Variants in TRPC1 observed in about 807,000 individuals in gnomAD.
TRPC1 encodes the protein short transient receptor potential channel 1.
In TRPC1, 42 loss-of-function variants were observed where a neutral mutation model predicts 88.2. That is an observed-to-expected ratio of 0.48 (90% CI 0.37 to 0.62). The LOEUF (loss-of-function observed/expected upper bound fraction) is 0.62. TRPC1 is among the 20% of genes least tolerant of loss of function. The pLI, the probability that TRPC1 is intolerant of heterozygous loss-of-function variation, is 0.00. For missense variants in TRPC1, 699 were observed against 957.3 expected (o/e 0.73, Z 3.56); for synonymous variants, 288 against 331.8 (o/e 0.87, Z 1.43).
chr3:142,761,229 T>C (rs1935173698), intron 4 of TRPC1, among the ~76,000 whole-genome samples: 1 of 152,174 alleles, frequency 6.6e-6, no homozygotes, highest in Non-Finnish European at 1.5e-5. Context: ...AGTATGTCCC[T>C]CCTATACCTG....
intron 9 of TRPC1, among the ~76,000 whole-genome samples, chr3:142,801,053 T>C (rs914450001): frequency 1.3e-5 from 2 of 150,332 alleles, no homozygotes; most frequent in Admixed American, 1.3e-4. Context: ...TATTAAAATA[T>C]GTATCTTGTC....
intron 12 of TRPC1, among the ~76,000 whole-genome samples, 163 bp from the exon 13 acceptor site, chr3:142,805,845 A>G (rs1310702912): frequency 6.6e-6 from 1 of 152,190 alleles, no homozygotes; most frequent in Non-Finnish European, 1.5e-5. Context: ...TATGCAGGCT[A>G]TATTTGTTTT....
chr3:142,754,338 T>TA (rs1468098298), intron 4 of TRPC1, among the ~76,000 whole-genome samples: 2 of 151,974 alleles, frequency 1.3e-5, no homozygotes, highest in African/African-American at 2.4e-5. Context: ...GACAAAAATT[T>TA]AAAAAAACTT....
intron 4 of TRPC1, among the ~76,000 whole-genome samples, chr3:142,775,125 T>G (rs1312695747): frequency 2.0e-5 from 3 of 152,228 alleles, no homozygotes; most frequent in Non-Finnish European, 2.9e-5. Flanking sequence ...TCAGAAATCC[T>G]TAATATACTT....
At position 142,755,258 on chromosome 3, in the gene TRPC1, A is replaced by G. The variant is rs1934916547; in HGVS notation, c.632+6798A>G. On this transcript the variant is annotated intron_variant, in intron 4 of 12. Transcript: ENST00000476941. ...GCCAACATGGTGAAAACCCATCTCT[A>G]CTACAAATACAAAAATATTAGCCGG... 1.3e-5 allele frequency among the ~76,000 whole-genome samples: 2 copies of G among 152,134 alleles called. 1 individual carries two copies. Among genetic ancestry groups the G allele is most frequent in the South Asian group, 4.2e-4 (2 of 4,818 alleles).
At chr3:142,744,872 G>A (rs1022212681) in intron 3 of TRPC1, among the ~76,000 whole-genome samples, 7 of 152,190 alleles carry the variant, frequency 4.6e-5, no homozygotes, top group Admixed American at 2.0e-4. Context: ...TGACGATACC[G>A]TGAAACAAGC....
rs758182603 is a variant in TRPC1 at position 142,806,033 on chromosome 3, G to A, written c.2180G>A (p.Arg727Lys). 5 of 1,613,496 alleles carry A rather than the reference G, an allele frequency of 3.1e-6. No individual in the cohort carries two copies. Among genetic ancestry groups the A allele is most frequent in the Non-Finnish European group, 4.2e-6 (5 of 1,179,662 alleles). ...LKEWRNLKQK[R>K]DENYQKVMCC... The stretch of plus-strand genomic sequence containing the variant: ...GAATGGAGGAATTTGAAACAGAAGA[G>A]AGATGAAAACTATCAAAAAGTGATG... Residue 727 changes from arginine (R) to lysine (K), a missense_variant, in exon 13 of 13, where the codon AGA becomes AAA. Arg to Lys is a conservative substitution (Grantham distance 26). Around this residue, in one of 4 missense-constraint regions of TRPC1, gnomAD observed 105 missense variants for 141.7 expected, o/e 0.74. Coordinates refer to ENST00000476941, the MANE Select transcript of TRPC1 (RefSeq NM_001251845.2).
At chr3:142,760,722 C>T (rs1207291547) in intron 4 of TRPC1, among the ~76,000 whole-genome samples, 2 of 152,016 alleles carry the variant, frequency 1.3e-5, no homozygotes, top group Non-Finnish European at 1.5e-5. Flanking sequence ...GCATGGAATA[C>T]CTTTCCATTT....
At chr3:142,754,527 G>C (rs988231828) in intron 4 of TRPC1, among the ~76,000 whole-genome samples, 2 of 152,012 alleles carry the variant, frequency 1.3e-5, no homozygotes, top group African/African-American at 4.8e-5. Context: ...AAACTTAAAA[G>C]TATAATAAAA....
Position 142,724,485 on chromosome 3 carries a change from C to CGGGGG in TRPC1, c.-75_-74insGGGGG, listed in dbSNP as rs1577931325. 1.4e-6 allele frequency: 2 copies of CGGGGG among 1,390,170 alleles called. No individual in the cohort carries two copies. Among genetic ancestry groups the CGGGGG allele is most frequent in the East Asian group, 5.5e-5 (2 of 36,440 alleles). The allele number at this position is 1,390,170 out of a possible 1,614,324, so 86.1% of individuals were successfully genotyped here. On this transcript the variant is annotated 5_prime_UTR_variant, in exon 1 of 13. Transcript: ENST00000476941. This position sits in a 1 kb window ranked among gnomAD's most constrained non-coding sequence, Gnocchi z 5.6. ...TCCTTTTTCCAGCCCTGGGGCGTGG[C>CGGGGG]TGGGGTCGGGGTCGGGGTCGGGGCC...
chr3:142,777,485 A>G (rs1438253971), intron 4 of TRPC1, 147 bp from the exon 5 acceptor site: 3 of 464,556 alleles, frequency 6.5e-6, no homozygotes, highest in Non-Finnish European at 1.0e-5. Context: ...AAGTCTTTTT[A>G]TGGAGGTTAT....
chr3:142,804,275 G>T, intron 11 of TRPC1, 97 bp downstream of exon 11: 1 of 1,202,212 alleles, frequency 8.3e-7, no homozygotes, highest in Non-Finnish European at 1.1e-6. Context: ...TATAAGAATT[G>T]AAAAATAGTA....
intron 4 of TRPC1, among the ~76,000 whole-genome samples, 179 bp downstream of exon 4, chr3:142,748,639 A>G (rs1385244382): frequency 6.6e-6 from 1 of 152,232 alleles, no homozygotes; most frequent in African/African-American, 2.4e-5. Flanking sequence ...AGAAGTGTTC[A>G]CCAAATGCTG....
At position 142,754,112 on chromosome 3, in the gene TRPC1, A is replaced by G. The variant is rs937481617; in HGVS notation, c.632+5652A>G. Among the ~76,000 whole-genome samples, 68 of 148,870 alleles carry G rather than the reference A, an allele frequency of 4.6e-4. No homozygotes were observed. In the South Asian group the frequency reaches 0.011, roughly 24 times the overall value. Reference sequence around the variant, plus strand: ...CTCAAAAAAAAAAAAAAAAAAAAAAAAGAGAGAGACAATTGTTTTTTAAAT... The same window carrying G: ...CTCAAAAAAAAAAAAAAAAAAAAAAGAGAGAGAGACAATTGTTTTTTAAAT... On this transcript the variant is annotated intron_variant, in intron 4 of 12. Transcript: ENST00000476941.
At chr3:142,781,849 A>G (rs1289306159) in intron 6 of TRPC1, among the ~76,000 whole-genome samples, 1 of 152,180 alleles carries the variant, frequency 6.6e-6, no homozygotes, top group Non-Finnish European at 1.5e-5. Context: ...AAACTTGCTT[A>G]TCAAATTTAT....
chr3:142,773,623 T>C (rs940713117), intron 4 of TRPC1, among the ~76,000 whole-genome samples: 1 of 145,924 alleles, frequency 6.9e-6, no homozygotes, highest in African/African-American at 2.6e-5. Context: ...GTCATACTTT[T>C]CCCATTTCTT....
intron 4 of TRPC1, among the ~76,000 whole-genome samples, chr3:142,773,024 T>C (rs1027619139): frequency 6.6e-6 from 1 of 152,150 alleles, no homozygotes; most frequent in African/African-American, 2.4e-5. Context: ...GATTTAGACC[T>C]ACCTTGAGGT....
intron 9 of TRPC1, among the ~76,000 whole-genome samples, chr3:142,798,279 A>ACTT (rs1936512156): frequency 1.3e-5 from 2 of 152,168 alleles, no homozygotes; most frequent in Non-Finnish European, 2.9e-5. Flanking sequence ...TAAGAAACTA[A>ACTT]GAAAGTGGTA....
intron 4 of TRPC1, among the ~76,000 whole-genome samples, chr3:142,768,211 C>A (rs1236368981): frequency 1.3e-5 from 2 of 151,984 alleles, no homozygotes; most frequent in African/African-American, 4.8e-5. Flanking sequence ...CATATTGTTT[C>A]ATAGTGTTGT....
Sources: gnomAD v4.1 joint callset for allele counts (sites outside exome capture counted in the v4.1 genomes callset) on GRCh38, gnomAD v4.1.1 for gene constraint, gnomAD v4.1.1 regional missense constraint, Gnocchi (gnomAD v3.1) non-coding constraint, MANE v1.5 for transcripts, NCBI Gene and HGNC (gene_info 2026-07-23, HGNC 2026-07-21) for gene names.